Variants in SH3KBP1 observed in about 807,000 individuals in gnomAD.
The protein encoded by SH3KBP1 is SH3 domain containing kinase binding protein 1.
In SH3KBP1, 8 loss-of-function variants were observed where a neutral mutation model predicts 50.1. That is an observed-to-expected ratio of 0.16 (90% CI 0.09 to 0.29). The LOEUF (loss-of-function observed/expected upper bound fraction) is 0.29. SH3KBP1 is among the 10% of genes least tolerant of loss of function. SH3KBP1 has a pLI of 1.00. For synonymous variants in SH3KBP1, 227 were observed against 218.6 expected (o/e 1.04, Z -0.34); for missense variants, 377 against 535.2 (o/e 0.70, Z 2.92).
At chrX:19,558,657 T>C (rs949970233) in intron 13 of SH3KBP1, among the ~76,000 whole-genome samples, 1 of 112,172 alleles carries the variant, frequency 8.9e-6, no homozygotes, top group Non-Finnish European at 1.9e-5. Flanking sequence ...TTATCATCTT[T>C]CTATTGTAAA....
At position 19,550,007 on chromosome X, in the gene SH3KBP1, T is replaced by C. The variant is rs774574616; in HGVS notation, c.1461A>G (p.Thr487=). ...GGGACTGGGACGGAGGCCGCCTCCC[T>C]GTAGCTTTTGGTCTGCTTGTGGTCG... ...SHPTTSRPKA[T]GRRPPSQSLT... The change falls in exon 14 of 18, where the codon ACA becomes ACG. Residue 487 remains threonine (T), a synonymous_variant. Transcript: ENST00000397821. 2 of 1,209,986 alleles carry C rather than the reference T, an allele frequency of 1.7e-6. No individual in the cohort carries two copies. The highest frequency in any genetic ancestry group is 3.0e-5 in the East Asian group (1 of 33,843).
chrX:19,668,203 G>T (rs898796681), intron 6 of SH3KBP1, among the ~76,000 whole-genome samples: 2 of 110,291 alleles, frequency 1.8e-5, no homozygotes, highest in East Asian at 5.7e-4. Flanking sequence ...GCATATTCAG[G>T]CTCAAAAAAA....
chrX:19,824,377 C>G (rs757933523), intron 2 of SH3KBP1, among the ~76,000 whole-genome samples: 1 of 111,762 alleles, frequency 8.9e-6, no homozygotes, highest in Non-Finnish European at 1.9e-5. Context: ...ACTGCCCTAT[C>G]GGTACCATTG....
At chrX:19,694,870 A>T in intron 5 of SH3KBP1, 1 of 507,332 alleles carries the variant, frequency 2.0e-6, no homozygotes, top group Non-Finnish European at 3.3e-6. Flanking sequence ...AACCCCAGGT[A>T]GTGCTGCACA....
chrX:19,645,294 T>C, intron 7 of SH3KBP1, 106 bp downstream of exon 7: 3 of 589,544 alleles, frequency 5.1e-6, no homozygotes, highest in South Asian at 5.5e-5. Context: ...TTCTGATGCG[T>C]TTGCAAAAGC....
chrX:19,820,082 A>C (rs1603263835), intron 2 of SH3KBP1, among the ~76,000 whole-genome samples: 1 of 111,718 alleles, frequency 9.0e-6, no homozygotes. Flanking sequence ...CTTTTTTATT[A>C]TCTCAATTCC....
intron 2 of SH3KBP1, among the ~76,000 whole-genome samples, chrX:19,771,284 G>A (rs779213117): frequency 3.2e-4 from 36 of 112,368 alleles, no homozygotes; most frequent in African/African-American, 1.2e-3. Flanking sequence ...GAAAATTAGA[G>A]CAATCTAAGC....
At chrX:19,565,171 C>T (rs2065807156) in intron 13 of SH3KBP1, among the ~76,000 whole-genome samples, 1 of 103,518 alleles carries the variant, frequency 9.7e-6, no homozygotes, top group Non-Finnish European at 1.9e-5. Flanking sequence ...AAGCGATTCT[C>T]CTGCCTCAGC....
At chrX:19,597,587 A>C (rs779822997) in intron 9 of SH3KBP1, among the ~76,000 whole-genome samples, 22 of 111,512 alleles carry the variant, frequency 2.0e-4, no homozygotes, top group South Asian at 7.6e-4. Flanking sequence ...ACAACTGGCC[A>C]GTTTTATTAT....
At chrX:19,626,913 T>A (rs1170319307) in intron 8 of SH3KBP1, among the ~76,000 whole-genome samples, 2 of 111,401 alleles carry the variant, frequency 1.8e-5, no homozygotes, top group Admixed American at 1.9e-4. Flanking sequence ...TTTCCTTCCA[T>A]GAACATTAAT....
intron 8 of SH3KBP1, among the ~76,000 whole-genome samples, chrX:19,608,293 C>CCTTT (rs888017137): frequency 6.5e-5 from 7 of 106,939 alleles, no homozygotes; most frequent in Middle Eastern, 4.8e-3. Flanking sequence ...TCTTCTTTTA[C>CCTTT]CTTTCTTTCT....
chrX:19,677,206 C>T (rs189937798), intron 6 of SH3KBP1, among the ~76,000 whole-genome samples: 15 of 111,669 alleles, frequency 1.3e-4, no homozygotes, highest in African/African-American at 4.2e-4. Flanking sequence ...CTGTAACTTA[C>T]CTATCCATGT....
chrX:19,586,192 G>A (rs1308651136), intron 12 of SH3KBP1, among the ~76,000 whole-genome samples: 1 of 112,160 alleles, frequency 8.9e-6, no homozygotes, highest in East Asian at 2.8e-4. Context: ...TGGTGGTGAT[G>A]CCACATTTCC....
intron 7 of SH3KBP1, among the ~76,000 whole-genome samples, chrX:19,642,450 A>T (rs1569372162): frequency 1.8e-5 from 2 of 112,356 alleles, no homozygotes; most frequent in Non-Finnish European, 3.8e-5. Flanking sequence ...TTCAGCAGGG[A>T]AAACAGCCTT....
At chrX:19,537,463 G>GAAAA (rs367732402) in intron 17 of SH3KBP1, among the ~76,000 whole-genome samples, 1 of 66,772 alleles carries the variant, frequency 1.5e-5, no homozygotes, top group Non-Finnish European at 3.1e-5. Flanking sequence ...GTCTCAAAAA[G>GAAAA]AAAAAAAAAA....
intron 1 of SH3KBP1, among the ~76,000 whole-genome samples, chrX:19,883,086 G>A (rs1215995774): frequency 8.9e-6 from 1 of 112,157 alleles, no homozygotes; most frequent in African/African-American, 3.2e-5. Flanking sequence ...TTTCTCAACT[G>A]TAAGGCAAGG....
chrX:19,667,777 T>C (rs898931020), intron 6 of SH3KBP1, among the ~76,000 whole-genome samples: 1 of 109,382 alleles, frequency 9.1e-6, no homozygotes, highest in Admixed American at 9.8e-5. Context: ...GTTAAGTGTA[T>C]AGGATTCAGA....
At chrX:19,842,016 T>A (rs1171801282) in intron 1 of SH3KBP1, among the ~76,000 whole-genome samples, 2 of 110,162 alleles carry the variant, frequency 1.8e-5, no homozygotes, top group Non-Finnish European at 3.8e-5. Context: ...AAAAACTATG[T>A]TCAAATCTAA....
chrX:19,704,223 C>T (rs1170932315), intron 4 of SH3KBP1, among the ~76,000 whole-genome samples: 2 of 112,190 alleles, frequency 1.8e-5, no homozygotes, highest in African/African-American at 6.5e-5. Flanking sequence ...TAGCTGGCAG[C>T]GAATAATAGA....
Sources: allele counts gnomAD v4.1 joint callset (sites outside exome capture counted in the v4.1 genomes callset), GRCh38; gene constraint gnomAD v4.1.1; transcripts MANE v1.5; gene names NCBI Gene and HGNC (gene_info 2026-07-23, HGNC 2026-07-21).